Variants in GALNT1 observed in about 807,000 individuals in gnomAD.
GALNT1 encodes polypeptide N-acetylgalactosaminyltransferase 1, also known as GalNAc transferase 1.
GALNT1 carries 17 observed loss-of-function variants against 65.7 expected under a neutral mutation model. That is an observed-to-expected ratio of 0.26 (90% CI 0.18 to 0.39). The LOEUF (loss-of-function observed/expected upper bound fraction) is 0.39, where lower values mean the gene tolerates loss of function less well. GALNT1 is among the 10% of genes least tolerant of loss of function. GALNT1 has a pLI of 1.00. For missense variants in GALNT1, 460 were observed against 672.8 expected, an observed-to-expected ratio of 0.68 and a Z score of 3.50; for synonymous variants, 210 against 219.7, an observed-to-expected ratio of 0.96 and a Z score of 0.39.
intron 3 of GALNT1, among the ~76,000 whole-genome samples, chr18:35,667,936 A>G (rs2047572849): frequency 6.6e-6 from 1 of 152,196 alleles, no homozygotes; most frequent in Non-Finnish European, 1.5e-5. Context: ...TCATTTGTCT[A>G]CTTTCCCTTT....
At chr18:35,669,672 C>T (rs2047602986) in intron 3 of GALNT1, among the ~76,000 whole-genome samples, 1 of 152,150 alleles carries the variant, frequency 6.6e-6, no homozygotes, top group Admixed American at 6.5e-5. Context: ...TAGAAGGGAA[C>T]TTCTTTAATC....
intron 1 of GALNT1, among the ~76,000 whole-genome samples, chr18:35,645,164 T>A (rs1027993850): frequency 1.8e-4 from 27 of 150,874 alleles, no homozygotes; most frequent in African/African-American, 6.3e-4. Context: ...TCAATAAAGC[T>A]CCACAGTTTT....
At chr18:35,640,679 C>T (rs1004201799) in intron 1 of GALNT1, among the ~76,000 whole-genome samples, 2 of 152,084 alleles carry the variant, frequency 1.3e-5, no homozygotes, top group African/African-American at 4.8e-5. Flanking sequence ...CTTGTTTTAC[C>T]ATATATGAAG....
intron 1 of GALNT1, among the ~76,000 whole-genome samples, chr18:35,584,747 C>T (rs2046360834): frequency 6.6e-6 from 1 of 152,174 alleles, no homozygotes; most frequent in Non-Finnish European, 1.5e-5. Flanking sequence ...ACCTAGATCC[C>T]TCATATGTAA....
At chr18:35,673,061 T>C (rs1041585492) in intron 3 of GALNT1, among the ~76,000 whole-genome samples, 2 of 152,194 alleles carry the variant, frequency 1.3e-5, no homozygotes, top group African/African-American at 4.8e-5. Flanking sequence ...TAGATCTTAG[T>C]TGATCTTCTC....
At chr18:35,706,493 C>G (rs1297160577) in intron 11 of GALNT1, among the ~76,000 whole-genome samples, 3 of 150,974 alleles carry the variant, frequency 2.0e-5, no homozygotes, top group Non-Finnish European at 4.4e-5. Context: ...CAGAGTGAGA[C>G]TCCATCTCAA....
At chr18:35,665,670 G>T (rs2047540147) in intron 3 of GALNT1, among the ~76,000 whole-genome samples, 1 of 152,188 alleles carries the variant, frequency 6.6e-6, no homozygotes, top group Admixed American at 6.5e-5. Flanking sequence ...AATGCCTTCA[G>T]ACTTCTCAGC....
At chr18:35,610,909 A>G (rs1294733375) in intron 1 of GALNT1, among the ~76,000 whole-genome samples, 1 of 152,144 alleles carries the variant, frequency 6.6e-6, no homozygotes, top group Non-Finnish European at 1.5e-5. Flanking sequence ...GTCTATTGAT[A>G]CTGCATATCA....
At chr18:35,612,276 A>G (rs1306467158) in intron 1 of GALNT1, among the ~76,000 whole-genome samples, 1 of 152,206 alleles carries the variant, frequency 6.6e-6, no homozygotes, top group African/African-American at 2.4e-5. Flanking sequence ...AATAGGGTAC[A>G]TCTCCATGAA....
At chr18:35,638,881 G>A (rs1011600564) in intron 1 of GALNT1, among the ~76,000 whole-genome samples, 1 of 152,222 alleles carries the variant, frequency 6.6e-6, no homozygotes, top group African/African-American at 2.4e-5. Context: ...GGTAGCAATA[G>A]CAAGAGAACT....
At chr18:35,585,392 T>G (rs2046368344) in intron 1 of GALNT1, among the ~76,000 whole-genome samples, 1 of 152,252 alleles carries the variant, frequency 6.6e-6, no homozygotes, top group African/African-American at 2.4e-5. Context: ...ATGAAGTTAT[T>G]CACTGTTGAT....
intron 9 of GALNT1, among the ~76,000 whole-genome samples, chr18:35,696,887 A>G (rs530502453): frequency 6.6e-6 from 1 of 152,348 alleles, no homozygotes; most frequent in South Asian, 2.1e-4. Context: ...CTAATGCTAG[A>G]TTATAAAAAT....
intron 1 of GALNT1, among the ~76,000 whole-genome samples, chr18:35,645,559 A>T (rs6507133): frequency 0.23 from 34,398 of 152,056 alleles, 4,413 homozygotes; most frequent in African/African-American, 0.34. Flanking sequence ...AAATAGTTAT[A>T]ACTACCATAT....
chr18:35,649,682 C>A (rs2047284607), intron 1 of GALNT1, among the ~76,000 whole-genome samples: 1 of 151,804 alleles, frequency 6.6e-6, no homozygotes, highest in Admixed American at 6.6e-5. Context: ...GTCTCAGGGT[C>A]TCAAAAGATT....
intron 1 of GALNT1, among the ~76,000 whole-genome samples, chr18:35,611,365 T>A (rs1260794924): frequency 6.6e-6 from 1 of 152,184 alleles, no homozygotes; most frequent in Non-Finnish European, 1.5e-5. Flanking sequence ...TTGAACATAC[T>A]GCAGAGACTT....
intron 1 of GALNT1, among the ~76,000 whole-genome samples, chr18:35,642,946 C>T (rs756701096): frequency 2.6e-5 from 4 of 151,952 alleles, no homozygotes; most frequent in Non-Finnish European, 4.4e-5. Context: ...CTGCAAGTGG[C>T]CTTCTCCATG....
In GALNT1 at chr18:35,667,241, G is replaced by A. The variant is rs560729487; in HGVS notation, c.314+3439G>A. Among the ~76,000 whole-genome samples the A allele has an allele frequency of 6.6e-5, 10 of 152,238 alleles. No individual in the cohort carries two copies. In the South Asian group the frequency reaches 2.1e-3, roughly 32 times the overall value. On this transcript the variant is annotated intron_variant, in intron 3 of 11. Coordinates refer to ENST00000269195, the MANE Select transcript of GALNT1 (RefSeq NM_020474.4). ...ATATTATGTTATCAAATATGCTGTGGCTTTCATGTTGGTCTTTTACTCTTG... is the reference window on the plus strand; with the variant it reads ...ATATTATGTTATCAAATATGCTGTGACTTTCATGTTGGTCTTTTACTCTTG...
Position 35,584,973 on chromosome 18 carries a change from C to T in GALNT1, c.-104+3111C>T, listed in dbSNP as rs1361130425. ...TGTGTGCCACACCCAGTGCTGTAGT[C>T]TCAAGATAACTGGGGGTGGATAGCA... On this transcript the variant is annotated intron_variant, in intron 1 of 11. Transcript: ENST00000269195. Among the ~76,000 whole-genome samples, 6 of 152,230 alleles carry T rather than the reference C, an allele frequency of 3.9e-5. No homozygotes were observed. The South Asian group carries it at 1.0e-3, about 26-fold the overall frequency.
chr18:35,690,522 A>C (rs1461381165), intron 7 of GALNT1, among the ~76,000 whole-genome samples: 2 of 152,194 alleles, frequency 1.3e-5, no homozygotes, highest in Non-Finnish European at 2.9e-5. Flanking sequence ...GCAATTCATC[A>C]ATTTGAATTT....
Sources: allele counts gnomAD v4.1 joint callset (sites outside exome capture counted in the v4.1 genomes callset), GRCh38; gene constraint gnomAD v4.1.1; transcripts MANE v1.5; gene names NCBI Gene and HGNC (gene_info 2026-07-23, HGNC 2026-07-21).